NOTCH2NLC: variants seen among roughly 807,000 people sequenced by gnomAD.
The protein encoded by NOTCH2NLC is notch 2 N-terminal like C.
Under a neutral mutation model 17.7 loss-of-function variants are expected in NOTCH2NLC, and 4 were observed. The observed-to-expected ratio is 0.23, with a 90% CI of 0.11 to 0.52. The LOEUF is 0.52. Ranked by LOEUF, NOTCH2NLC falls within the 20% of genes least tolerant of loss-of-function variation. The pLI is 0.96. For synonymous variants in NOTCH2NLC, 18 were observed against 86.0 expected (o/e 0.21, Z 4.38); for missense variants, 57 against 207.2 (o/e 0.28, Z 4.45).
At position 149,430,946 on chromosome 1, in the gene NOTCH2NLC, G is replaced by A. The variant is rs1254941755; in HGVS notation, c.140G>A (p.Arg47Gln). The A allele has an allele frequency of 2.7e-5, 11 of 404,192 alleles. No individual in the cohort carries two copies. Among genetic ancestry groups the A allele is most frequent in the African/African-American group, 2.4e-4 (6 of 25,074 alleles). 25.0% of individuals were successfully genotyped at this position (404,192 alleles called of 1,614,324 possible). Residue 47 changes from arginine to glutamine, a missense_variant, in exon 2 of 5, where the codon CGA (arginine) becomes CAA (glutamine). Around this residue, in one of 7 missense-constraint regions of NOTCH2NLC, gnomAD observed 18 missense variants for 17.2 expected, o/e 1.05. Transcript: ENST00000650865. ...GCAARPPRMC[R>Q]DGYEPCVNEG... The stretch of plus-strand genomic sequence containing the variant: ...TTTTTATTTTTAGCATTGCAGTGTC[G>A]AGATGGCTATGAACCCTGTGTAAAT...
In NOTCH2NLC at chr1:149,400,139, A is replaced by AT. The variant is rs1176135315; in HGVS notation, c.135+9227dup. Among the ~76,000 whole-genome samples the AT allele has an allele frequency of 5.9e-4, 78 of 131,950 alleles. 2 individuals carry two copies. The highest frequency in any genetic ancestry group is 4.1e-3 in the Middle Eastern group (1 of 246). The allele number at this position is 131,950 out of a possible 152,430, so 86.6% of individuals were successfully genotyped here. A position where few individuals can be genotyped will look rare whatever the true frequency, so the allele number is the denominator to read the frequency against. ...ATATATATATATATATATAATATAT[A>AT]TTTTTTTTTTAGTTTATGAACAGAT... On this transcript the variant is annotated intron_variant, in intron 1 of 4. Coordinates refer to ENST00000650865, the MANE Select transcript of NOTCH2NLC (RefSeq NM_001364013.2).
chr1:149,448,981 A>T (rs1211982524), intron 2 of NOTCH2NLC, among the ~76,000 whole-genome samples: 13 of 145,496 alleles, frequency 8.9e-5, no homozygotes, highest in African/African-American at 3.3e-4. Flanking sequence ...TTCTGGGTTC[A>T]TGCCATTCTC....
intron 1 of NOTCH2NLC, among the ~76,000 whole-genome samples, chr1:149,416,656 A>G (rs1242443822): frequency 1.4e-5 from 2 of 140,224 alleles, no homozygotes; most frequent in Non-Finnish European, 3.1e-5. Flanking sequence ...CTACTCTATT[A>G]TTGAGAAGAG....
rs1399611404 is a variant in NOTCH2NLC at position 149,463,294 on chromosome 1, C to T, written c.470-197C>T. On this transcript the variant is annotated intron_variant, in intron 3 of 4. Coordinates refer to ENST00000650865, the MANE Select transcript of NOTCH2NLC (RefSeq NM_001364013.2). ...CTCCACCCACTGAGTCCTTGTGTCTCTGCTGAGGTCCTTGGAGAGTTACTG... is the reference window on the plus strand; with the variant it reads ...CTCCACCCACTGAGTCCTTGTGTCTTTGCTGAGGTCCTTGGAGAGTTACTG... Among the ~76,000 whole-genome samples, 6 of 149,672 alleles carry T rather than the reference C, an allele frequency of 4.0e-5. 1 individual carries two copies. Among genetic ancestry groups the T allele is most frequent in the Non-Finnish European group, 9.0e-5 (6 of 67,004 alleles).
intron 1 of NOTCH2NLC, among the ~76,000 whole-genome samples, chr1:149,417,350 C>T (rs1411596158): frequency 6.0e-5 from 9 of 150,814 alleles, no homozygotes; most frequent in Non-Finnish European, 1.0e-4. Context: ...CCTCGTGATC[C>T]GCCTGCCTCG....
At chr1:149,421,280 G>A (rs1221344080) in intron 1 of NOTCH2NLC, among the ~76,000 whole-genome samples, 3 of 143,796 alleles carry the variant, frequency 2.1e-5, no homozygotes, top group Non-Finnish European at 4.6e-5. Flanking sequence ...CCAGCATCAC[G>A]AGGTCAGGAG....
At chr1:149,415,038 C>T (rs1388284592) in intron 1 of NOTCH2NLC, among the ~76,000 whole-genome samples, 1 of 108,244 alleles carries the variant, frequency 9.2e-6, no homozygotes, top group Non-Finnish European at 1.9e-5. Flanking sequence ...AAGTAAAAAT[C>T]CTTGTTTGAA....
At chr1:149,454,701 C>T (rs1393030131) in intron 2 of NOTCH2NLC, among the ~76,000 whole-genome samples, 2 of 151,038 alleles carry the variant, frequency 1.3e-5, no homozygotes, top group African/African-American at 4.9e-5. Context: ...CCTGTACCTC[C>T]TTTCCCTTTT....
At chr1:149,445,365 T>G (rs1244169522) in intron 2 of NOTCH2NLC, among the ~76,000 whole-genome samples, 1 of 125,788 alleles carries the variant, frequency 7.9e-6, no homozygotes, top group Non-Finnish European at 1.7e-5. Flanking sequence ...GCAATTATTT[T>G]TATCTACTTT....
intron 1 of NOTCH2NLC, among the ~76,000 whole-genome samples, chr1:149,419,881 T>TTTC (rs1250543021): frequency 7.6e-4 from 90 of 118,360 alleles, no homozygotes; most frequent in East Asian, 2.7e-3. Flanking sequence ...TTTTTTTTTT[T>TTTC]CCTCAGGCAG....
chr1:149,398,276 A>T (rs1426524758), intron 1 of NOTCH2NLC, among the ~76,000 whole-genome samples: 1 of 150,190 alleles, frequency 6.7e-6, no homozygotes, highest in Non-Finnish European at 1.5e-5. Flanking sequence ...TTGTCTGGTG[A>T]GGGTGTAAAT....
intron 2 of NOTCH2NLC, among the ~76,000 whole-genome samples, chr1:149,439,825 T>C: frequency 6.7e-6 from 1 of 149,454 alleles, no homozygotes; most frequent in Middle Eastern, 3.5e-3. Flanking sequence ...TGTCCAAAAA[T>C]GTATTGCCAA....
intron 3 of NOTCH2NLC, among the ~76,000 whole-genome samples, chr1:149,462,594 A>C (rs1176382394): frequency 1.4e-5 from 2 of 143,894 alleles, no homozygotes; most frequent in Non-Finnish European, 3.1e-5. Flanking sequence ...TAGTAACTAT[A>C]TTTTGTGGAA....
At chr1:149,446,654 G>T (rs1457612189) in intron 2 of NOTCH2NLC, among the ~76,000 whole-genome samples, 1 of 141,514 alleles carries the variant, frequency 7.1e-6, no homozygotes, top group African/African-American at 2.6e-5. Flanking sequence ...TAAAGAAAAA[G>T]TCATAAATAT....
chr1:149,423,249 G>T lies in NOTCH2NLC; in HGVS notation c.136-7693G>T, dbSNP rs1358955555. ...TTTATCTCTTATTGCTTTTTTTTGG[G>T]TTTTTTTTTTCCTTTTAATCAAGAC... On this transcript the variant is annotated intron_variant, in intron 1 of 4. Transcript: ENST00000650865. Among the ~76,000 whole-genome samples, 77 of 146,350 alleles carry T rather than the reference G, an allele frequency of 5.3e-4. 4 individuals are homozygous for T. The East Asian group carries it at 6.7e-3, about 13-fold the overall frequency.
At chr1:149,428,954 G>T (rs1200553594) in intron 1 of NOTCH2NLC, among the ~76,000 whole-genome samples, 2 of 147,300 alleles carry the variant, frequency 1.4e-5, no homozygotes, top group Non-Finnish European at 3.0e-5. Flanking sequence ...ACTAATAAAA[G>T]TGTCTAAAGA....
intron 1 of NOTCH2NLC, among the ~76,000 whole-genome samples, chr1:149,416,683 G>A (rs2084337078): frequency 7.0e-6 from 1 of 143,854 alleles, no homozygotes; most frequent in Admixed American, 6.9e-5. Flanking sequence ...TCTTGTCAGT[G>A]TCAATTTTAC....
At position 149,398,759 on chromosome 1, in the gene NOTCH2NLC, G is replaced by A. The variant is rs1423923139; in HGVS notation, c.135+7837G>A. ...GGGTTTTTCTTTCCATTGGACTGAA[G>A]CACCTTTCCCTGGAGGCTTGCCTAG... is the stretch of plus-strand genomic sequence containing the variant. On this transcript the variant is annotated intron_variant, in intron 1 of 4. Coordinates refer to ENST00000650865, the MANE Select transcript of NOTCH2NLC (RefSeq NM_001364013.2). Among the ~76,000 whole-genome samples, 6 of 151,114 alleles carry A rather than the reference G, an allele frequency of 4.0e-5. 1 individual carries two copies. Among genetic ancestry groups the A allele is most frequent in the African/African-American group, 1.5e-4 (6 of 41,084 alleles).
chr1:149,448,957 C>A (rs2084572752), intron 2 of NOTCH2NLC, among the ~76,000 whole-genome samples: 1 of 146,298 alleles, frequency 6.8e-6, no homozygotes, highest in Admixed American at 6.9e-5. Context: ...TCTTGGCTCA[C>A]TGCAACCTCC....
Sources: allele counts gnomAD v4.1 joint callset (sites outside exome capture counted in the v4.1 genomes callset), GRCh38; gene constraint gnomAD v4.1.1; regional missense constraint gnomAD v4.1.1; transcripts MANE v1.5; gene names NCBI Gene and HGNC (gene_info 2026-07-23, HGNC 2026-07-21).